The following KIF16B variants were observed in gnomAD, a reference collection of about 807,000 sequenced individuals.
KIF16B encodes kinesin-like protein KIF16B.
Under a neutral mutation model 156.3 loss-of-function variants are expected in KIF16B, and 98 were observed. The ratio of observed to expected loss-of-function variants is 0.63; its 90% confidence interval spans 0.53 to 0.74. The LOEUF (loss-of-function observed/expected upper bound fraction) is 0.74. Among genes scored for constraint, KIF16B ranks in the 30% least tolerant of loss-of-function variants. The pLI, the probability that KIF16B is intolerant of heterozygous loss-of-function variation, is 0.00. For missense variants in KIF16B, 1,421 were observed against 1,606.5 expected, an observed-to-expected ratio of 0.88 and a Z score of 1.97; for synonymous variants, 564 against 583.7, an observed-to-expected ratio of 0.97 and a Z score of 0.49.
chr20:16,573,213 G>A lies in KIF16B; in HGVS notation c.47+16C>T, dbSNP rs1410909571. On this transcript the variant is annotated intron_variant, in intron 1 of 25. Coordinates refer to ENST00000354981, the MANE Select transcript of KIF16B (RefSeq NM_024704.5). ...GGGGCGCGACGAGGGGGCGGGGCGC[G>A]GGCGGCCCCACTCACCTGCGATTCA... 1.3e-6 allele frequency: 2 copies of A among 1,576,122 alleles called. No homozygotes were observed. The highest frequency in any genetic ancestry group is 1.7e-6 in the Non-Finnish European group (2 of 1,160,718).
intron 12 of KIF16B, among the ~76,000 whole-genome samples, chr20:16,481,129 T>G (rs2067971687): frequency 6.6e-6 from 1 of 152,182 alleles, no homozygotes; most frequent in African/African-American, 2.4e-5. Context: ...TCCTTTCACG[T>G]GTCTGCGGTA....
intron 15 of KIF16B, among the ~76,000 whole-genome samples, chr20:16,417,874 C>T (rs1449810440): frequency 6.6e-6 from 1 of 151,882 alleles, no homozygotes; most frequent in African/African-American, 2.4e-5. Context: ...GTAAACAGAG[C>T]CTCAAGGAAC....
chr20:16,402,512 G>A (rs2065680582), intron 17 of KIF16B, among the ~76,000 whole-genome samples: 1 of 152,160 alleles, frequency 6.6e-6, no homozygotes. Context: ...AGTGAAGAAG[G>A]GACATTGATT....
chr20:16,521,795 G>T (rs2147117812), intron 3 of KIF16B, among the ~76,000 whole-genome samples: 1 of 152,304 alleles, frequency 6.6e-6, no homozygotes, highest in South Asian at 2.1e-4. Flanking sequence ...CCCACAAAGG[G>T]AAGCCCATCA....
chr20:16,505,088 C>T (rs1288920860), intron 9 of KIF16B, among the ~76,000 whole-genome samples: 2 of 152,090 alleles, frequency 1.3e-5, no homozygotes, highest in African/African-American at 4.8e-5. Context: ...GGGTAAATCC[C>T]GTGGCTCCAT....
chr20:16,517,587 T>C (rs6034512), intron 3 of KIF16B, among the ~76,000 whole-genome samples: 16,397 of 152,116 alleles, frequency 0.11, 1,097 homozygotes, highest in East Asian at 0.33. Flanking sequence ...CACTGTGATG[T>C]GTCCTCTTCC....
Position 16,533,295 on chromosome 20 carries a change from G to A in KIF16B, c.48-4855C>T, listed in dbSNP as rs138215853. Among the ~76,000 whole-genome samples the A allele has an allele frequency of 1.4e-4, 22 of 152,162 alleles. No individual in the cohort carries two copies. In the East Asian group the frequency reaches 4.3e-3, roughly 30 times the overall value. On this transcript the variant is annotated intron_variant, in intron 1 of 25. Coordinates refer to ENST00000354981, the MANE Select transcript of KIF16B (RefSeq NM_024704.5). ...CTCTGACTCTTAATACTCAAAATAT[G>A]CTCCAGAGACCAGCAACATCAGTGG...
At chr20:16,366,383 C>T (rs920416745) in intron 22 of KIF16B, among the ~76,000 whole-genome samples, 3 of 152,100 alleles carry the variant, frequency 2.0e-5, no homozygotes, top group African/African-American at 4.8e-5. Context: ...GAAAGTGAGA[C>T]TCTGAGATAA....
intron 12 of KIF16B, among the ~76,000 whole-genome samples, chr20:16,449,582 G>C (rs1047770821): frequency 2.0e-5 from 3 of 152,224 alleles, no homozygotes; most frequent in African/African-American, 7.2e-5. Flanking sequence ...CCAAAGAATA[G>C]AGGTGGGAGA....
At chr20:16,451,228 T>C (rs1251458708) in intron 12 of KIF16B, among the ~76,000 whole-genome samples, 2 of 152,086 alleles carry the variant, frequency 1.3e-5, no homozygotes, top group African/African-American at 4.8e-5. Flanking sequence ...AATTGTAACT[T>C]CCTTATTTGG....
chr20:16,389,694 A>G (rs2065317451), intron 17 of KIF16B, among the ~76,000 whole-genome samples: 1 of 152,160 alleles, frequency 6.6e-6, no homozygotes, highest in Admixed American at 6.5e-5. Context: ...TGCTTGTCCT[A>G]TCCAATCTTC....
At chr20:16,455,145 T>G (rs564098579) in intron 12 of KIF16B, among the ~76,000 whole-genome samples, 1 of 152,238 alleles carries the variant, frequency 6.6e-6, no homozygotes, top group Non-Finnish European at 1.5e-5. Context: ...AAGCCAAAGA[T>G]GAGGGACATA....
rs746435934 is a variant in KIF16B, at chr20:16,379,931, C to T, written c.2071G>A (p.Glu691Lys). The change falls in exon 19 of 26, where the codon GAG (glutamate) becomes AAG (lysine). Residue 691 changes from glutamate (E) to lysine (K), a missense_variant. By Grantham distance (56) the Glu-to-Lys change is moderately conservative (BLOSUM62 1). Coordinates refer to ENST00000354981, the MANE Select transcript of KIF16B (RefSeq NM_024704.5). Reference protein sequence around the residue: ...EERLREQQEIELQKKRQEEET... With the variant: ...EERLREQQEIKLQKKRQEEET... Reference sequence around the variant, plus strand: ...TCTTCTTGTCTCTTCTTCTGCAGCTCGATTTCCTGCTGTTCCCTCAGCCTC... The same window carrying T: ...TCTTCTTGTCTCTTCTTCTGCAGCTTGATTTCCTGCTGTTCCCTCAGCCTC... 1.2e-5 allele frequency: 19 copies of T among 1,614,044 alleles called. No homozygotes were observed. The highest frequency in any genetic ancestry group is 1.4e-5 in the Non-Finnish European group (16 of 1,180,038).
chr20:16,355,483 G>A (rs1325929275), intron 23 of KIF16B, among the ~76,000 whole-genome samples: 1 of 152,154 alleles, frequency 6.6e-6, no homozygotes, highest in Non-Finnish European at 1.5e-5. Context: ...TCATGGTCTG[G>A]TGTTGATCTG....
chr20:16,427,824 A>C (rs1467456307), intron 14 of KIF16B, among the ~76,000 whole-genome samples: 1 of 152,128 alleles, frequency 6.6e-6, no homozygotes, highest in African/African-American at 2.4e-5. Flanking sequence ...TGCAGCTGCT[A>C]AAGTTTATCT....
chr20:16,433,609 ACACT>A (rs1295155741), intron 12 of KIF16B, among the ~76,000 whole-genome samples: 2 of 151,740 alleles, frequency 1.3e-5, no homozygotes, highest in East Asian at 3.9e-4. Flanking sequence ...AGAGACACAC[ACACT>A]CACACACACA....
At chr20:16,304,270 C>T (rs2063511669) in intron 25 of KIF16B, among the ~76,000 whole-genome samples, 2 of 152,192 alleles carry the variant, frequency 1.3e-5, no homozygotes, top group South Asian at 4.1e-4. Flanking sequence ...CCCACATACC[C>T]TCCAATTGGA....
intron 15 of KIF16B, among the ~76,000 whole-genome samples, chr20:16,424,742 G>A (rs1473777271): frequency 6.6e-6 from 1 of 152,076 alleles, no homozygotes; most frequent in African/African-American, 2.4e-5. Context: ...TGACAGCCAA[G>A]CATAGCCATG....
chr20:16,464,673 C>T (rs959502555), intron 12 of KIF16B, among the ~76,000 whole-genome samples: 3 of 152,138 alleles, frequency 2.0e-5, no homozygotes, highest in South Asian at 2.1e-4. Flanking sequence ...TTCCTAAGCA[C>T]GGCTGCAGCT....
Sources: gnomAD v4.1 joint callset for allele counts (sites outside exome capture counted in the v4.1 genomes callset) on GRCh38, gnomAD v4.1.1 for gene constraint, MANE v1.5 for transcripts, NCBI Gene and HGNC (gene_info 2026-07-23, HGNC 2026-07-21) for gene names.